DPYD: variants seen among roughly 807,000 people sequenced by gnomAD.
DPYD encodes the protein dihydropyrimidine dehydrogenase [NADP(+)].
In DPYD, 109 loss-of-function variants were observed where a neutral mutation model predicts 116.2. The observed-to-expected ratio is 0.94, with a 90% CI of 0.80 to 1.10. The LOEUF (loss-of-function observed/expected upper bound fraction) is 1.10. Among genes scored for constraint, DPYD ranks in the 50% least tolerant of loss-of-function variants. The pLI is 0.00. For synonymous variants in DPYD, 440 were observed against 432.0 expected (o/e 1.02, Z -0.23); for missense variants, 1,302 against 1,254.5 (o/e 1.04, Z -0.57).
At chr1:97,085,719 T>A (rs1649466462) in intron 21 of DPYD, among the ~76,000 whole-genome samples, 2 of 152,108 alleles carry the variant, frequency 1.3e-5, no homozygotes, top group Admixed American at 1.3e-4. Flanking sequence ...ATGCATAAAA[T>A]CAGTAAGTCA....
intron 20 of DPYD, among the ~76,000 whole-genome samples, chr1:97,190,734 A>G (rs74461426): frequency 0.011 from 1,613 of 152,310 alleles, 11 homozygotes; most frequent in Non-Finnish European, 0.016. Flanking sequence ...TTGAAAGATA[A>G]CATGACATAC....
chr1:97,237,779 C>A (rs1429120762), intron 18 of DPYD, among the ~76,000 whole-genome samples: 1 of 152,154 alleles, frequency 6.6e-6, no homozygotes, highest in African/African-American at 2.4e-5. Context: ...CCAATACATA[C>A]CAACCCAATG....
At chr1:97,812,901 A>G (rs1668405345) in intron 3 of DPYD, among the ~76,000 whole-genome samples, 1 of 152,146 alleles carries the variant, frequency 6.6e-6, no homozygotes, top group South Asian at 2.1e-4. Context: ...CTCTTTAAAA[A>G]CAGACAGGTA....
intron 3 of DPYD, chr1:97,797,249 G>A (rs1667618448): frequency 6.6e-6 from 1 of 152,078 alleles, no homozygotes; most frequent in South Asian, 2.1e-4. Flanking sequence ...ATATACATAT[G>A]CTTCAATGAA....
At chr1:97,646,855 G>A (rs886143410) in intron 8 of DPYD, among the ~76,000 whole-genome samples, 1 of 151,914 alleles carries the variant, frequency 6.6e-6, no homozygotes, top group African/African-American at 2.4e-5. Context: ...TATTTGTACT[G>A]GATTACTTGA....
At chr1:97,699,201 T>C (rs1661458810) in intron 6 of DPYD, 150 bp downstream of exon 6, 6 of 865,040 alleles carry the variant, frequency 6.9e-6, no homozygotes, top group East Asian at 2.7e-5. Flanking sequence ...AAGTGAATAA[T>C]GTAATCAAAA....
intron 7 of DPYD, among the ~76,000 whole-genome samples, chr1:97,689,420 A>G (rs752744583): frequency 1.2e-4 from 18 of 152,050 alleles, no homozygotes; most frequent in Admixed American, 2.6e-4. Flanking sequence ...CTGGCATACT[A>G]CTTGGCAAAA....
At chr1:97,143,432 T>G (rs1274371612) in intron 20 of DPYD, among the ~76,000 whole-genome samples, 1 of 152,142 alleles carries the variant, frequency 6.6e-6, no homozygotes, top group Non-Finnish European at 1.5e-5. Flanking sequence ...TGATAACCAC[T>G]ATCTAATGCT....
At chr1:97,218,967 T>A (rs1445687372) in intron 19 of DPYD, among the ~76,000 whole-genome samples, 1 of 152,094 alleles carries the variant, frequency 6.6e-6, no homozygotes, top group East Asian at 1.9e-4. Context: ...GCCTAAAAAA[T>A]TAAAGGTACC....
chr1:97,472,063 AC>A (rs1677694739), intron 13 of DPYD, among the ~76,000 whole-genome samples: 1 of 146,620 alleles, frequency 6.8e-6, no homozygotes, highest in Non-Finnish European at 1.5e-5. Context: ...AAAGAGTCAT[AC>A]AAAAAATCTA....
At chr1:97,340,015 T>C (rs961541093) in intron 16 of DPYD, among the ~76,000 whole-genome samples, 4 of 152,144 alleles carry the variant, frequency 2.6e-5, no homozygotes, top group African/African-American at 9.7e-5. Flanking sequence ...GAACTGGATA[T>C]ACTAAGCGAG....
chr1:97,816,843 C>T (rs1455836244), intron 3 of DPYD, among the ~76,000 whole-genome samples: 1 of 152,012 alleles, frequency 6.6e-6, no homozygotes, highest in Admixed American at 6.6e-5. Flanking sequence ...CAAAGAACAG[C>T]CTAGAAATTA....
At chr1:97,233,257 C>G (rs948899633) in intron 19 of DPYD, among the ~76,000 whole-genome samples, 1 of 152,128 alleles carries the variant, frequency 6.6e-6, no homozygotes, top group Non-Finnish European at 1.5e-5. Context: ...CCCTACTTGG[C>G]CTTCACTGAC....
At chr1:97,880,009 C>T (rs1037801064) in intron 2 of DPYD, among the ~76,000 whole-genome samples, 4 of 150,636 alleles carry the variant, frequency 2.7e-5, no homozygotes, top group Admixed American at 6.6e-5. Flanking sequence ...AAACATATAG[C>T]CTATATATAG....
chr1:97,358,935 C>G (rs112756765), intron 16 of DPYD, among the ~76,000 whole-genome samples: 4 of 152,062 alleles, frequency 2.6e-5, no homozygotes, highest in African/African-American at 9.6e-5. Flanking sequence ...TCGGCAGCAA[C>G]AGAAAAAAGC....
At chr1:97,627,029 C>CT (rs1283515510) in intron 8 of DPYD, among the ~76,000 whole-genome samples, 1 of 152,008 alleles carries the variant, frequency 6.6e-6, no homozygotes, top group East Asian at 1.9e-4. Flanking sequence ...GTCAGCATGT[C>CT]TGGATCTGGT....
chr1:97,335,074 T>C (rs909299936), intron 16 of DPYD, among the ~76,000 whole-genome samples: 3 of 152,156 alleles, frequency 2.0e-5, no homozygotes, highest in Non-Finnish European at 4.4e-5. Flanking sequence ...ATATTTCCTG[T>C]GTTTTTCATC....
chr1:97,245,462 G>A (rs1450329103), intron 18 of DPYD, among the ~76,000 whole-genome samples: 1 of 152,026 alleles, frequency 6.6e-6, no homozygotes, highest in African/African-American at 2.4e-5. Context: ...TATTTCCCCA[G>A]CCAAGAAATT....
At chr1:97,479,041 G>C (rs554609643) in intron 13 of DPYD, among the ~76,000 whole-genome samples, 100 of 152,326 alleles carry the variant, frequency 6.6e-4, no homozygotes, top group African/African-American at 2.3e-3. Flanking sequence ...TTAAGAGAGT[G>C]TTGTGCTGAT....
Sources: allele counts gnomAD v4.1 joint callset (sites outside exome capture counted in the v4.1 genomes callset), GRCh38; gene constraint gnomAD v4.1.1; transcripts MANE v1.5; gene names NCBI Gene and HGNC (gene_info 2026-07-23, HGNC 2026-07-21).